HPSE2: variants seen among roughly 807,000 people sequenced by gnomAD.
The protein encoded by HPSE2 is heparanase 2 (inactive).
In HPSE2, 38 loss-of-function variants were observed where a neutral mutation model predicts 60.5. The observed-to-expected ratio is 0.63, with a 90% CI of 0.48 to 0.82. The LOEUF is 0.82. Ranked by LOEUF, HPSE2 falls within the 40% of genes least tolerant of loss-of-function variation. The pLI is 0.00. For missense variants in HPSE2, 713 were observed against 740.4 expected (o/e 0.96, Z 0.43); for synonymous variants, 295 against 293.2 (o/e 1.01, Z -0.06).
the HPSE2 span, among the ~76,000 whole-genome samples, chr10:99,282,824 A>G: frequency 6.6e-6 from 1 of 152,162 alleles, no homozygotes; most frequent in Admixed American, 6.5e-5. Context: ...ATGAAAATAT[A>G]ACATACCAAA....
chr10:98,824,054 G>T (rs1951485102), intron 3 of HPSE2, among the ~76,000 whole-genome samples: 1 of 152,080 alleles, frequency 6.6e-6, no homozygotes, highest in Admixed American at 6.6e-5. Context: ...TAGAAATTAA[G>T]CAACATTCTT....
chr10:99,216,481 C>T (rs1409921896), intron 2 of HPSE2, among the ~76,000 whole-genome samples: 2 of 37,230 alleles, frequency 5.4e-5, no homozygotes, highest in African/African-American at 3.9e-4. Flanking sequence ...AGGCATGAGC[C>T]ACTGCACCGG....
At chr10:98,725,498 T>G (rs1435080640) in intron 4 of HPSE2, among the ~76,000 whole-genome samples, 3 of 152,156 alleles carry the variant, frequency 2.0e-5, no homozygotes, top group Non-Finnish European at 4.4e-5. Flanking sequence ...TCAAGATGGA[T>G]TAAAGACTTA....
intron 1 of HPSE2, among the ~76,000 whole-genome samples, chr10:99,233,881 A>G (rs1216312698): frequency 6.6e-6 from 1 of 152,180 alleles, no homozygotes; most frequent in East Asian, 1.9e-4. Flanking sequence ...TTTCATCCAG[A>G]AGCCTGCACA....
chr10:99,038,609 G>T (rs2135468330), intron 3 of HPSE2, among the ~76,000 whole-genome samples: 1 of 151,972 alleles, frequency 6.6e-6, no homozygotes, highest in East Asian at 1.9e-4. Flanking sequence ...TGTGGCGGTG[G>T]CTATACAAAT....
chr10:98,879,691 C>T (rs1952967700), intron 3 of HPSE2, among the ~76,000 whole-genome samples: 1 of 151,882 alleles, frequency 6.6e-6, no homozygotes, highest in Non-Finnish European at 1.5e-5. Context: ...GTGTAAAGAC[C>T]CATGTGAATC....
chr10:98,914,409 C>T (rs1235418898), intron 3 of HPSE2, among the ~76,000 whole-genome samples: 1 of 151,856 alleles, frequency 6.6e-6, no homozygotes, highest in Non-Finnish European at 1.5e-5. Flanking sequence ...TGGACTAATA[C>T]AGAGGTAAAA....
At chr10:98,685,110 A>G (rs1485166888) in intron 6 of HPSE2, among the ~76,000 whole-genome samples, 2 of 152,152 alleles carry the variant, frequency 1.3e-5, no homozygotes, top group Non-Finnish European at 2.9e-5. Flanking sequence ...CTTGTTTTTC[A>G]TAAATATATC....
intron 3 of HPSE2, among the ~76,000 whole-genome samples, chr10:98,763,260 T>C (rs1459445623): frequency 6.6e-6 from 1 of 151,548 alleles, no homozygotes; most frequent in Non-Finnish European, 1.5e-5. Context: ...AAGACATTAC[T>C]ACAGGAAAAA....
intron 9 of HPSE2, among the ~76,000 whole-genome samples, chr10:98,535,369 G>A (rs1048922819): frequency 2.0e-5 from 3 of 151,934 alleles, no homozygotes; most frequent in African/African-American, 4.8e-5. Flanking sequence ...AGGAGCAGAG[G>A]GAAAGAAGAA....
intron 2 of HPSE2, among the ~76,000 whole-genome samples, chr10:99,222,580 T>C (rs17111297): frequency 0.02 from 3,079 of 152,254 alleles, 112 homozygotes; most frequent in East Asian, 0.15. Flanking sequence ...TTCTCAAAAT[T>C]GTCCAATAAT....
intron 3 of HPSE2, among the ~76,000 whole-genome samples, chr10:98,938,978 C>T (rs1402469347): frequency 2.8e-5 from 4 of 143,854 alleles, no homozygotes; most frequent in Non-Finnish European, 4.5e-5. Context: ...TCATATCCAG[C>T]CAAACTAAGC....
intron 9 of HPSE2, among the ~76,000 whole-genome samples, chr10:98,600,844 A>G (rs1207654819): frequency 6.8e-6 from 1 of 146,182 alleles, no homozygotes; most frequent in Admixed American, 6.9e-5. Context: ...AGATATATAT[A>G]CACACACATA....
intron 3 of HPSE2, among the ~76,000 whole-genome samples, chr10:99,130,007 G>A (rs566335050): frequency 3.3e-5 from 5 of 151,902 alleles, no homozygotes; most frequent in African/African-American, 7.3e-5. Flanking sequence ...ACACCTTTAC[G>A]TGCACAAACT....
At chr10:98,773,917 C>T (rs1950290588) in intron 3 of HPSE2, among the ~76,000 whole-genome samples, 1 of 151,924 alleles carries the variant, frequency 6.6e-6, no homozygotes, top group Non-Finnish European at 1.5e-5. Context: ...ATTAGCCAGG[C>T]ATTGTGGTAC....
At chr10:99,047,808 A>C (rs745837296) in intron 3 of HPSE2, 2 of 815,896 alleles carry the variant, frequency 2.5e-6, no homozygotes, top group African/African-American at 3.3e-5. Flanking sequence ...GCAAAGCACT[A>C]TCACAAGGAA....
At chr10:99,302,623 T>C in the HPSE2 span, among the ~76,000 whole-genome samples, 1 of 152,116 alleles carries the variant, frequency 6.6e-6, no homozygotes, top group Non-Finnish European at 1.5e-5. Flanking sequence ...GCATGGTTAC[T>C]AGGAAGCAAC....
At chr10:99,100,599 C>G (rs966428773) in intron 3 of HPSE2, among the ~76,000 whole-genome samples, 22 of 152,200 alleles carry the variant, frequency 1.4e-4, no homozygotes, top group Non-Finnish European at 3.2e-4. Context: ...CTTTCCCAAT[C>G]TAGCAAGGCA....
intron 3 of HPSE2, among the ~76,000 whole-genome samples, chr10:98,881,696 A>C (rs1047827040): frequency 6.6e-6 from 1 of 152,088 alleles, no homozygotes; most frequent in Non-Finnish European, 1.5e-5. Context: ...AGACAATAAT[A>C]AACTGCACTT....
Sources: allele counts gnomAD v4.1 joint callset (sites outside exome capture counted in the v4.1 genomes callset), GRCh38; gene constraint gnomAD v4.1.1; transcripts MANE v1.5; gene names NCBI Gene and HGNC (gene_info 2026-07-23, HGNC 2026-07-21).